Variants in LEPROTL1 observed in about 807,000 individuals in gnomAD.
LEPROTL1 encodes leptin receptor overlapping transcript-like 1.
Under a neutral mutation model 15.4 loss-of-function variants are expected in LEPROTL1, and 6 were observed. The observed-to-expected ratio is 0.39, with a 90% confidence interval of 0.21 to 0.77. LEPROTL1 has a LOEUF of 0.77. Among genes scored for constraint, LEPROTL1 ranks in the 30% least tolerant of loss-of-function variants. The pLI, the probability that LEPROTL1 is intolerant of heterozygous loss-of-function variation, is 0.41. For missense variants in LEPROTL1, 128 were observed against 158.1 expected (o/e 0.81, Z 1.02); for synonymous variants, 56 against 52.6 (o/e 1.06, Z -0.28).
rs1041417416 is a variant in LEPROTL1 at position 30,107,116 on chromosome 8, C to A, written c.*1254C>A. 1.0e-6 allele frequency: 1 copy of A among 981,612 alleles called. No homozygotes were observed. Among genetic ancestry groups the A allele is most frequent in the Non-Finnish European group, 1.2e-6 (1 of 826,516 alleles). 60.8% of individuals were successfully genotyped at this position (981,612 alleles called of 1,614,324 possible). A position where few individuals can be genotyped will look rare whatever the true frequency, so the allele number is the denominator to read the frequency against. ...ATTTTTAAGACAAGTTTCCTGTATA[C>A]CTCTGAACTGTTTTGATTTTGAGTT... is the stretch of plus-strand genomic sequence containing the variant. On this transcript the variant is annotated 3_prime_UTR_variant, in exon 4 of 4. Coordinates refer to ENST00000321250, the MANE Select transcript of LEPROTL1 (RefSeq NM_015344.3).
chr8:30,106,312 TTTCA>T lies in LEPROTL1; in HGVS notation c.*451_*454del, dbSNP rs1802566818. On this transcript the variant is annotated 3_prime_UTR_variant, in exon 4 of 4. Coordinates refer to ENST00000321250, the MANE Select transcript of LEPROTL1 (RefSeq NM_015344.3). ...ATTACAAAAAATTATAAAAATAAGT[TTTCA>T]GTCAGTCAGGATGACATCACTCCCA... The T allele has an allele frequency of 1.0e-6, 1 of 986,704 alleles. No individual in the cohort carries two copies. The highest frequency in any genetic ancestry group is 1.2e-6 in the Non-Finnish European group (1 of 830,442). The allele number at this position is 986,704 out of a possible 1,614,324, so 61.1% of individuals were successfully genotyped here.
chr8:30,132,408 C>T, exon 4 of LEPROTL1: 1 of 1,551,768 alleles, frequency 6.4e-7, no homozygotes, highest in Non-Finnish European at 8.7e-7. Flanking sequence ...CATATCCCTC[C>T]TCTCCAGGGC....
intron 2 of LEPROTL1, among the ~76,000 whole-genome samples, chr8:30,103,919 A>G (rs918592848): frequency 2.0e-5 from 3 of 152,140 alleles, no homozygotes; most frequent in Non-Finnish European, 4.4e-5. Flanking sequence ...AAAATCATAC[A>G]CAGAGGTCCC....
Position 30,107,874 on chromosome 8 carries a change from T to G in LEPROTL1, c.*2012T>G, listed in dbSNP as rs1802594970. On this transcript the variant is annotated 3_prime_UTR_variant, in exon 4 of 4. Coordinates refer to ENST00000321250, the MANE Select transcript of LEPROTL1 (RefSeq NM_015344.3). ...ACTTTTTCTAACAGCTGCGTATTAT[T>G]TCTATATACTAACTGCATTGGCAGC... is the stretch of plus-strand genomic sequence containing the variant. The G allele has an allele frequency of 2.0e-6, 2 of 984,994 alleles. No individual in the cohort carries two copies. Among genetic ancestry groups the G allele is most frequent in the South Asian group, 9.4e-5 (2 of 21,290 alleles). 61.0% of individuals were successfully genotyped at this position (984,994 alleles called of 1,614,324 possible).
chr8:30,100,770 G>GAAA (rs1802453309), intron 1 of LEPROTL1, among the ~76,000 whole-genome samples: 1 of 152,248 alleles, frequency 6.6e-6, no homozygotes, highest in East Asian at 1.9e-4. Context: ...CTTTGCTTTA[G>GAAA]TCTAGGTCAT....
At chr8:30,136,582 C>T (rs1257197349) in intron 4 of LEPROTL1, among the ~76,000 whole-genome samples, 1 of 152,188 alleles carries the variant, frequency 6.6e-6, no homozygotes, top group East Asian at 1.9e-4. Flanking sequence ...ACTTGCTCTC[C>T]CAGCCCCATC....
intron 2 of LEPROTL1, among the ~76,000 whole-genome samples, chr8:30,102,995 C>T (rs990352100): frequency 6.6e-6 from 1 of 152,152 alleles, no homozygotes; most frequent in Non-Finnish European, 1.5e-5. Flanking sequence ...TACAAACCCA[C>T]TTGCAGATGT....
intron 1 of LEPROTL1, among the ~76,000 whole-genome samples, chr8:30,098,085 T>C (rs893642365): frequency 2.0e-5 from 3 of 152,146 alleles, no homozygotes; most frequent in African/African-American, 7.2e-5. Flanking sequence ...TTTTGAGATT[T>C]TTCTGCCTGG....
intron 3 of LEPROTL1, chr8:30,132,282 C>A (rs1363841966): frequency 6.4e-7 from 1 of 1,551,670 alleles, no homozygotes. Context: ...ACGGCCAAGC[C>A]CTGCTGTGCT....
At chr8:30,127,719 G>C (rs982227457) in intron 3 of LEPROTL1, among the ~76,000 whole-genome samples, 4 of 148,516 alleles carry the variant, frequency 2.7e-5, no homozygotes, top group African/African-American at 9.9e-5. Context: ...TATGTATTCT[G>C]CTTGGGCCAA....
intron 3 of LEPROTL1, among the ~76,000 whole-genome samples, chr8:30,114,878 C>A (rs1040673186): frequency 6.6e-6 from 1 of 152,144 alleles, no homozygotes; most frequent in African/African-American, 2.4e-5. Context: ...GCTGTTAGAT[C>A]TGCCTGGGGG....
At chr8:30,110,841 C>G (rs1206560578), downstream of LEPROTL1, among the ~76,000 whole-genome samples, 1 of 152,112 alleles carries the variant, frequency 6.6e-6, no homozygotes, top group Non-Finnish European at 1.5e-5. Flanking sequence ...AAGAATAAAC[C>G]TGAGTATTTC....
At chr8:30,118,832 A>G (rs549370607) in intron 3 of LEPROTL1, among the ~76,000 whole-genome samples, 2 of 152,246 alleles carry the variant, frequency 1.3e-5, no homozygotes, top group Non-Finnish European at 2.9e-5. Flanking sequence ...GGAAGGTACT[A>G]TGCCTGGATG....
intron 1 of LEPROTL1, among the ~76,000 whole-genome samples, chr8:30,100,837 TA>T (rs1280983748): frequency 2.2e-4 from 33 of 150,150 alleles, no homozygotes; most frequent in African/African-American, 8.1e-4. Flanking sequence ...GAGAGCACCT[TA>T]AAATGTACTG....
intron 3 of LEPROTL1, among the ~76,000 whole-genome samples, chr8:30,128,976 C>T (rs1802949626): frequency 6.6e-6 from 1 of 151,886 alleles, no homozygotes; most frequent in African/African-American, 2.4e-5. Context: ...TGGGAAACCC[C>T]ATTTATCTAC....
chr8:30,095,947 C>G (rs1802356688), intron 1 of LEPROTL1: 1 of 688,988 alleles, frequency 1.5e-6, no homozygotes, highest in Non-Finnish European at 2.6e-6. Flanking sequence ...CTATGGAAAA[C>G]CAGTCATTTC....
intron 3 of LEPROTL1, chr8:30,132,126 CCTCATCGGCCAGGATCTGATAAA>C: frequency 6.4e-7 from 1 of 1,551,672 alleles, no homozygotes; most frequent in Non-Finnish European, 8.7e-7. Flanking sequence ...TATAGAACAG[CCTCATCGGCCAGGATCTGATAAA>C]CTCATTGGCA....
exon 5 of LEPROTL1, chr8:30,137,483 C>G: frequency 6.4e-7 from 1 of 1,551,652 alleles, no homozygotes; most frequent in South Asian, 1.2e-5. Flanking sequence ...CTGCTTTGCC[C>G]TCCCTCTCAG....
intron 3 of LEPROTL1, among the ~76,000 whole-genome samples, chr8:30,115,846 GAAATT>G (rs1802733322): frequency 6.6e-6 from 1 of 151,982 alleles, no homozygotes; most frequent in Admixed American, 6.6e-5. Flanking sequence ...GTGTTCCTAA[GAAATT>G]ATAATACCCA....
Sources: gnomAD v4.1 joint callset for allele counts (sites outside exome capture counted in the v4.1 genomes callset) on GRCh38, gnomAD v4.1.1 for gene constraint, MANE v1.5 for transcripts, NCBI Gene and HGNC (gene_info 2026-07-23, HGNC 2026-07-21) for gene names.